Variants in CNTN3 observed in about 807,000 individuals in gnomAD.
CNTN3 encodes the protein contactin-3.
CNTN3 carries 60 observed loss-of-function variants against 119.1 expected under a neutral mutation model. That is an observed-to-expected ratio of 0.50 (90% CI 0.41 to 0.62). CNTN3 has a LOEUF of 0.62. Among genes scored for constraint, CNTN3 ranks in the 20% least tolerant of loss-of-function variants. The probability of loss-of-function intolerance (pLI) is 0.00; values close to 1 mark genes in which losing one functional copy is unlikely to be tolerated. For missense variants in CNTN3, 1,101 were observed against 1,242.4 expected (o/e 0.89, Z 1.71); for synonymous variants, 450 against 438.7 (o/e 1.03, Z -0.32).
chr3:74,588,747 C>T (rs997223673), intron 1 of CNTN3, among the ~76,000 whole-genome samples: 1 of 152,082 alleles, frequency 6.6e-6, no homozygotes, highest in African/African-American at 2.4e-5. Context: ...GGTACTGGTA[C>T]CAAAACAGAG....
chr3:74,277,555 C>T (rs1701906252), intron 20 of CNTN3, among the ~76,000 whole-genome samples: 1 of 152,026 alleles, frequency 6.6e-6, no homozygotes, highest in Non-Finnish European at 1.5e-5. Flanking sequence ...AAGCATTCAA[C>T]AAAATCCAGC....
At chr3:74,272,785 A>T (rs1701804538) in intron 20 of CNTN3, among the ~76,000 whole-genome samples, 1 of 152,168 alleles carries the variant, frequency 6.6e-6, no homozygotes, top group Non-Finnish European at 1.5e-5. Flanking sequence ...ACAAAGAGGG[A>T]GCAGGTTTGG....
intron 1 of CNTN3, among the ~76,000 whole-genome samples, chr3:74,596,472 C>A (rs1195891519): frequency 6.6e-6 from 1 of 152,120 alleles, no homozygotes; most frequent in Non-Finnish European, 1.5e-5. Context: ...CAGCATGGTA[C>A]TGGTACCAAA....
chr3:74,461,031 T>C (rs1034469876), intron 4 of CNTN3, among the ~76,000 whole-genome samples: 1 of 151,636 alleles, frequency 6.6e-6, no homozygotes, highest in Non-Finnish European at 1.5e-5. Context: ...ATTCCTCTGA[T>C]TTCATGAGAA....
At chr3:74,491,170 T>C (rs1702955700) in intron 3 of CNTN3, among the ~76,000 whole-genome samples, 1 of 152,152 alleles carries the variant, frequency 6.6e-6, no homozygotes, top group Non-Finnish European at 1.5e-5. Context: ...TTGGGACTGA[T>C]TTCTAAGTAT....
At chr3:74,483,004 T>C (rs1223389883) in intron 4 of CNTN3, among the ~76,000 whole-genome samples, 2 of 152,150 alleles carry the variant, frequency 1.3e-5, no homozygotes, top group Non-Finnish European at 2.9e-5. Context: ...ACATGAATAT[T>C]AAACAACATT....
chr3:74,351,459 T>C (rs545799115), intron 11 of CNTN3, among the ~76,000 whole-genome samples: 5 of 152,334 alleles, frequency 3.3e-5, no homozygotes, highest in Admixed American at 2.6e-4. Flanking sequence ...TCAGGAATTA[T>C]GTAACTTGTC....
chr3:74,283,686 A>C (rs17650372), intron 20 of CNTN3, among the ~76,000 whole-genome samples: 24,744 of 152,136 alleles, frequency 0.16, 2,736 homozygotes, highest in Non-Finnish European at 0.24. Context: ...ATATTTTTGC[A>C]ATCAGAATCT....
chr3:74,287,801 G>C (rs1199048035), intron 19 of CNTN3, among the ~76,000 whole-genome samples: 1 of 152,150 alleles, frequency 6.6e-6, no homozygotes, highest in East Asian at 1.9e-4. Context: ...CCCCAATGCT[G>C]AGCCACCATT....
intron 4 of CNTN3, among the ~76,000 whole-genome samples, chr3:74,427,350 GCAGT>G (rs1701712050): frequency 6.6e-6 from 1 of 152,174 alleles, no homozygotes; most frequent in Non-Finnish European, 1.5e-5. Context: ...AGTAGTAGTA[GCAGT>G]CAGAGGGCCA....
intron 1 of CNTN3, among the ~76,000 whole-genome samples, chr3:74,607,816 C>G (rs1012141304): frequency 6.6e-6 from 1 of 152,162 alleles, no homozygotes; most frequent in Non-Finnish European, 1.5e-5. Flanking sequence ...GGAAATGTCA[C>G]CTCTCAGGAC....
intron 5 of CNTN3, among the ~76,000 whole-genome samples, chr3:74,388,839 T>G (rs1283024198): frequency 6.6e-6 from 1 of 152,226 alleles, no homozygotes; most frequent in Non-Finnish European, 1.5e-5. Context: ...CATCAATTAC[T>G]TATATTTACT....
chr3:74,386,830 A>C (rs1404584524), intron 5 of CNTN3, among the ~76,000 whole-genome samples: 1 of 152,166 alleles, frequency 6.6e-6, no homozygotes, highest in East Asian at 1.9e-4. Context: ...TAGTGTTCTT[A>C]TTTTTGTTGT....
chr3:74,404,517 T>A (rs988229382), intron 5 of CNTN3, among the ~76,000 whole-genome samples: 7 of 152,070 alleles, frequency 4.6e-5, no homozygotes, highest in Non-Finnish European at 1.0e-4. Context: ...TCTATTTCCT[T>A]CTCAGAAAAG....
In CNTN3 at chr3:74,301,381, G is replaced by GAA; in HGVS notation, c.2095+15_2095+16dup. The GAA allele has an allele frequency of 6.4e-7, 1 of 1,569,716 alleles. No homozygotes were observed. Among genetic ancestry groups the GAA allele is most frequent in the South Asian group, 1.1e-5 (1 of 87,572 alleles). Reference sequence around the variant, plus strand: ...CAGAAATCTATTAATCCATTACTCAGAAAAAAAAACACTAACCTGCCTCTT... The same window carrying GAA: ...CAGAAATCTATTAATCCATTACTCAGAAAAAAAAAAACACTAACCTGCCTCTT... On this transcript the variant is annotated intron_variant, in intron 16 of 22. Transcript: ENST00000263665.
chr3:74,558,684 A>G (rs1704106617), intron 1 of CNTN3, among the ~76,000 whole-genome samples: 1 of 152,072 alleles, frequency 6.6e-6, no homozygotes, highest in Admixed American at 6.6e-5. Flanking sequence ...ACATGGAATT[A>G]ATAATAGTAA....
chr3:74,425,331 A>G (rs1436179551), intron 4 of CNTN3, among the ~76,000 whole-genome samples: 2 of 152,212 alleles, frequency 1.3e-5, no homozygotes, highest in Non-Finnish European at 2.9e-5. Context: ...AAGTGAGAAC[A>G]TACAGTATTT....
At chr3:74,534,690 A>AATAT (rs1703739004) in intron 1 of CNTN3, among the ~76,000 whole-genome samples, 1 of 152,042 alleles carries the variant, frequency 6.6e-6, no homozygotes, top group Admixed American at 6.6e-5. Flanking sequence ...TGAGCCCTAA[A>AATAT]ATAACTTGTG....
At chr3:74,404,401 G>T (rs563816117) in intron 5 of CNTN3, among the ~76,000 whole-genome samples, 1 of 152,164 alleles carries the variant, frequency 6.6e-6, no homozygotes, top group African/African-American at 2.4e-5. Flanking sequence ...CTCAATGTCT[G>T]TTACTCTGGT....
Sources: gnomAD v4.1 joint callset for allele counts (sites outside exome capture counted in the v4.1 genomes callset) on GRCh38, gnomAD v4.1.1 for gene constraint, MANE v1.5 for transcripts, NCBI Gene and HGNC (gene_info 2026-07-23, HGNC 2026-07-21) for gene names.